Variants in INPP4B observed in about 807,000 individuals in gnomAD.
The protein encoded by INPP4B is inositol polyphosphate 4-phosphatase type II.
A neutral mutation model predicts 122.5 loss-of-function variants in INPP4B; 55 were observed. The ratio of observed to expected loss-of-function variants is 0.45; its 90% CI spans 0.36 to 0.56. The LOEUF is 0.56. Among genes scored for constraint, INPP4B ranks in the 20% least tolerant of loss-of-function variants. INPP4B has a pLI of 0.00. For missense variants in INPP4B, 1,000 were observed against 1,097.7 expected (o/e 0.91, Z 1.26); for synonymous variants, 403 against 388.7 (o/e 1.04, Z -0.43).
intron 2 of INPP4B, among the ~76,000 whole-genome samples, chr4:142,611,277 C>T (rs187083585): frequency 1.0e-3 from 157 of 152,304 alleles, no homozygotes; most frequent in African/African-American, 3.5e-3. Context: ...GAGAAATCTA[C>T]ACCCATAATC....
intron 11 of INPP4B, among the ~76,000 whole-genome samples, chr4:142,246,975 A>G (rs960815579): frequency 2.6e-5 from 4 of 152,168 alleles, no homozygotes; most frequent in Admixed American, 2.6e-4. Flanking sequence ...TGTTCCATCA[A>G]TACCTACTTT....
intron 2 of INPP4B, among the ~76,000 whole-genome samples, chr4:142,468,675 G>A (rs760838382): frequency 9.9e-5 from 15 of 152,088 alleles, no homozygotes; most frequent in Non-Finnish European, 1.5e-4. Flanking sequence ...CTCTTGCCCT[G>A]TAATTTCTGC....
At chr4:142,674,366 AG>A (rs1366813420) in intron 2 of INPP4B, among the ~76,000 whole-genome samples, 1 of 152,142 alleles carries the variant, frequency 6.6e-6, no homozygotes, top group African/African-American at 2.4e-5. Flanking sequence ...GGTACAGTCT[AG>A]GCTTATGCAG....
intron 2 of INPP4B, among the ~76,000 whole-genome samples, chr4:142,596,566 G>A (rs1400737426): frequency 6.6e-6 from 1 of 152,180 alleles, no homozygotes; most frequent in Non-Finnish European, 1.5e-5. Context: ...TTTTAAGCCA[G>A]TATGTTTTGG....
chr4:142,245,171 G>T (rs952372600), intron 11 of INPP4B, among the ~76,000 whole-genome samples: 2 of 152,022 alleles, frequency 1.3e-5, no homozygotes, highest in African/African-American at 4.8e-5. Flanking sequence ...TCTTTAGGTT[G>T]CCTGTTCACT....
chr4:142,419,085 T>C (rs1806341456), intron 5 of INPP4B, among the ~76,000 whole-genome samples: 2 of 152,262 alleles, frequency 1.3e-5, no homozygotes, highest in South Asian at 4.1e-4. Context: ...TTTGGGGATT[T>C]GAGTAACTAA....
At chr4:142,527,982 T>C (rs1161138209) in intron 2 of INPP4B, among the ~76,000 whole-genome samples, 2 of 152,064 alleles carry the variant, frequency 1.3e-5, no homozygotes, top group Non-Finnish European at 1.5e-5. Flanking sequence ...GATGTACTAG[T>C]AGACCTTGCA....
intron 25 of INPP4B, among the ~76,000 whole-genome samples, chr4:142,067,555 C>T (rs943948148): frequency 4.6e-5 from 7 of 152,072 alleles, no homozygotes; most frequent in African/African-American, 7.2e-5. Context: ...GATGTTCAAA[C>T]CCATTGCAAG....
chr4:142,578,123 A>G (rs1734242654), intron 2 of INPP4B, among the ~76,000 whole-genome samples: 2 of 152,090 alleles, frequency 1.3e-5, no homozygotes, highest in African/African-American at 2.4e-5. Context: ...TTTGTCTGCC[A>G]TATACATAAT....
intron 14 of INPP4B, 29 bp from the exon 15 acceptor site, chr4:142,193,224 C>A: frequency 7.6e-7 from 1 of 1,323,320 alleles, no homozygotes; most frequent in Non-Finnish European, 1.1e-6. Flanking sequence ...AGGAGATGAA[C>A]ACTTTGCAAA....
At chr4:142,087,837 T>A (rs1777574971) in intron 23 of INPP4B, among the ~76,000 whole-genome samples, 1 of 152,142 alleles carries the variant, frequency 6.6e-6, no homozygotes, top group Admixed American at 6.5e-5. Context: ...GTGATATATA[T>A]CTAAGAGCAG....
intron 2 of INPP4B, among the ~76,000 whole-genome samples, chr4:142,648,345 T>C (rs1456281208): frequency 6.6e-6 from 1 of 151,984 alleles, no homozygotes; most frequent in Non-Finnish European, 1.5e-5. Flanking sequence ...CCATGGAGGG[T>C]GAGCCAAAGC....
intron 25 of INPP4B, among the ~76,000 whole-genome samples, chr4:142,047,838 C>T (rs72940909): frequency 7.2e-5 from 11 of 152,162 alleles, no homozygotes; most frequent in African/African-American, 2.6e-4. Context: ...TATTTTCCTT[C>T]CTTTTCCTAG....
At chr4:142,333,003 T>G (rs1579763760) in intron 7 of INPP4B, among the ~76,000 whole-genome samples, 1 of 97,986 alleles carries the variant, frequency 1.0e-5, no homozygotes, top group African/African-American at 4.5e-5. Context: ...AGAGCAAGAC[T>G]CCGTCTCAAA....
chr4:142,416,640 C>T (rs528044977), intron 5 of INPP4B, among the ~76,000 whole-genome samples: 1 of 152,130 alleles, frequency 6.6e-6, no homozygotes, highest in Non-Finnish European at 1.5e-5. Context: ...GTTCTAGGGG[C>T]ATAATGAGCT....
chr4:142,645,232 T>C (rs569647568), intron 2 of INPP4B, among the ~76,000 whole-genome samples: 1 of 152,298 alleles, frequency 6.6e-6, no homozygotes, highest in South Asian at 2.1e-4. Context: ...AAAATTTTAA[T>C]AAAAGAAATG....
chr4:142,296,179 C>T (rs1024706449), intron 9 of INPP4B, among the ~76,000 whole-genome samples: 22 of 152,108 alleles, frequency 1.4e-4, no homozygotes, highest in African/African-American at 5.3e-4. Context: ...AACTCTAAAC[C>T]AATTTGCAAT....
chr4:142,491,908 T>A (rs1364162227), intron 2 of INPP4B, among the ~76,000 whole-genome samples: 2 of 152,188 alleles, frequency 1.3e-5, no homozygotes, highest in African/African-American at 4.8e-5. Flanking sequence ...TATACCTTTT[T>A]ATACAATTTT....
chr4:142,097,225 T>TGTTATTTTATTTTA (rs1553969027), intron 23 of INPP4B, among the ~76,000 whole-genome samples: 73 of 135,552 alleles, frequency 5.4e-4, no homozygotes, highest in African/African-American at 1.7e-3. Flanking sequence ...TTTTATGTTA[T>TGTTATTTTATTTTA]TTTTATTTTA....
Sources: allele counts gnomAD v4.1 joint callset (sites outside exome capture counted in the v4.1 genomes callset), GRCh38; gene constraint gnomAD v4.1.1; transcripts MANE v1.5; gene names NCBI Gene and HGNC (gene_info 2026-07-23, HGNC 2026-07-21).